CLCNKA: variants seen among roughly 807,000 people sequenced by gnomAD.
The protein encoded by CLCNKA is chloride voltage-gated channel Ka.
In CLCNKA, 66 loss-of-function variants were observed where a neutral mutation model predicts 83.3. That is an observed-to-expected ratio of 0.79 (90% CI 0.65 to 0.97). The LOEUF is 0.97. Ranked by LOEUF, CLCNKA falls within the 50% of genes least tolerant of loss-of-function variation. The pLI is 0.00. For missense variants in CLCNKA, 806 were observed against 888.7 expected (o/e 0.91, Z 1.18); for synonymous variants, 357 against 370.4 (o/e 0.96, Z 0.42).
intron 11 of CLCNKA, 91 bp from the exon 12 acceptor site, chr1:16,029,035 G>T (rs1291525263): frequency 6.4e-7 from 1 of 1,557,788 alleles, no homozygotes; most frequent in Non-Finnish European, 8.7e-7. Flanking sequence ...GGCAGGGGAG[G>T]ATTCCAGGCG....
chr1:16,030,573 A>G lies in CLCNKA; in HGVS notation c.1521A>G (p.Ala507=). 1 of 1,613,084 alleles carries G rather than the reference A, an allele frequency of 6.2e-7. No individual in the cohort carries two copies. The highest frequency in any genetic ancestry group is 2.2e-5 in the East Asian group (1 of 44,880). ...TGCCCGTGCTGATGGCGGTGCTGGCAGCCAACGCCATTGCACAGAGCTGCC... is the reference window on the plus strand; with the variant it reads ...TGCCCGTGCTGATGGCGGTGCTGGCGGCCAACGCCATTGCACAGAGCTGCC... The part of the protein sequence containing the change: ...HALPVLMAVL[A]ANAIAQSCQP... The change falls in exon 15 of 20, where the codon GCA becomes GCG. Residue 507 remains alanine (A), a synonymous_variant. Coordinates refer to ENST00000331433, the MANE Select transcript of CLCNKA (RefSeq NM_004070.4).
At chr1:16,032,130 T>C (rs889083513) in intron 16 of CLCNKA, 73 bp from the exon 17 acceptor site, 57 of 1,431,452 alleles carry the variant, frequency 4.0e-5, no homozygotes, top group Non-Finnish European at 5.5e-5. Context: ...ACCACCAAGG[T>C]CTTCCGGAAG....
At chr1:16,032,357 C>T in intron 17 of CLCNKA, 66 bp downstream of exon 17, 1 of 1,541,206 alleles carries the variant, frequency 6.5e-7, no homozygotes, top group Admixed American at 1.7e-5. Context: ...AGGGGAGGGA[C>T]CCGCTGATCT....
Position 16,029,257 on chromosome 1 carries a change from G to T in CLCNKA, c.1185G>T (p.Arg395=), listed in dbSNP as rs776049219. Residue 395 remains arginine, a synonymous_variant, in exon 12 of 20, where the codon CGG becomes CGT. Coordinates refer to ENST00000331433, the MANE Select transcript of CLCNKA (RefSeq NM_004070.4). ...QHLWWEWYHP[R]FTIFGTLAFF... ...TTTGGTGGGAATGGTACCACCCGCG[G>T]TTCACCATCTTTGGGACCCTTGCCT... The T allele has an allele frequency of 1.9e-6, 3 of 1,613,906 alleles. No individual in the cohort carries two copies. Among genetic ancestry groups the T allele is most frequent in the Non-Finnish European group, 1.7e-6 (2 of 1,179,990 alleles).
chr1:16,029,015 G>C, intron 11 of CLCNKA, 111 bp from the exon 12 acceptor site: 1 of 1,539,790 alleles, frequency 6.5e-7, no homozygotes, highest in Non-Finnish European at 8.8e-7. Context: ...AAGGCCCCCC[G>C]CTGGGAAGTG....
intron 4 of CLCNKA, among the ~76,000 whole-genome samples, chr1:16,025,622 G>C (rs2022316513): frequency 6.9e-6 from 1 of 145,124 alleles, no homozygotes; most frequent in Admixed American, 7.2e-5. Context: ...AGGAAGTCGG[G>C]GTTATAATGA....
chr1:16,027,113 C>T (rs1258430653), intron 7 of CLCNKA, among the ~76,000 whole-genome samples, 197 bp from the exon 8 acceptor site: 1 of 152,222 alleles, frequency 6.6e-6, no homozygotes, highest in Non-Finnish European at 1.5e-5. Flanking sequence ...CACCTGCATT[C>T]CAGGCTGGAT....
chr1:16,032,149 T>C, intron 16 of CLCNKA, 54 bp from the exon 17 acceptor site: 1 of 1,537,386 alleles, frequency 6.5e-7, no homozygotes, highest in South Asian at 1.1e-5. Context: ...AGCTTGGCCC[T>C]CAGGCCTGTT....
rs1310702226 is a variant in CLCNKA, at chr1:16,028,013, C to T, written c.867-5C>T. On this transcript the variant is annotated splice_polypyrimidine_tract_variant and splice_region_variant and intron_variant, in intron 9 of 19. Coordinates refer to ENST00000331433, the MANE Select transcript of CLCNKA (RefSeq NM_004070.4). ...GCTCTGGTCTTACCTCCCTTCACCC[C>T]GCAGTGGCATCTGCGGCGTCCTGAG... 1.2e-5 allele frequency: 19 copies of T among 1,613,790 alleles called. No homozygotes were observed. The highest frequency in any genetic ancestry group is 1.2e-4 in the Admixed American group (7 of 59,898).
At chr1:16,031,480 A>G (rs1479855712) in intron 15 of CLCNKA, among the ~76,000 whole-genome samples, 1 of 151,982 alleles carries the variant, frequency 6.6e-6, no homozygotes, top group Non-Finnish European at 1.5e-5. Flanking sequence ...TCTGGGGGAC[A>G]TGGGGGACCA....
Position 16,029,009 on chromosome 1 carries a change from C to A in CLCNKA, c.1054-117C>A. On this transcript the variant is annotated intron_variant, in intron 11 of 19. Coordinates refer to ENST00000331433, the MANE Select transcript of CLCNKA (RefSeq NM_004070.4). The stretch of plus-strand genomic sequence containing the variant: ...TGGGAGGTCAGAGCCCTGCCCAAGG[C>A]CCCCCGCTGGGAAGTGGCAGGGGAG... 1.3e-6 allele frequency: 2 copies of A among 1,527,168 alleles called. 1 individual carries two copies. The highest frequency in any genetic ancestry group is 2.3e-5 in the South Asian group (2 of 86,924). The allele number at this position is 1,527,168 out of a possible 1,614,324, so 94.6% of individuals were successfully genotyped here.
At chr1:16,033,345 C>A in intron 19 of CLCNKA, 89 bp downstream of exon 19, 1 of 1,388,384 alleles carries the variant, frequency 7.2e-7, no homozygotes. Flanking sequence ...CCAGCATGCT[C>A]CCATCCAAAC....
At position 16,029,347 on chromosome 1, in the gene CLCNKA, G is replaced by A. The variant is rs375224784; in HGVS notation, c.1227+48G>A. 5 of 1,612,754 alleles carry A rather than the reference G, an allele frequency of 3.1e-6. No homozygotes were observed. The African/African-American group carries it at 6.7e-5, about 22-fold the overall frequency. ...GTGCACAGAGCCAGGACCAGCTCTG[G>A]TGGGGAGGGGCGGGGGTGCCTCCCT... is the stretch of plus-strand genomic sequence containing the variant. On this transcript the variant is annotated intron_variant, in intron 12 of 19. Transcript: ENST00000331433.
intron 15 of CLCNKA, among the ~76,000 whole-genome samples, chr1:16,031,180 G>C (rs879430869): frequency 6.6e-6 from 1 of 152,210 alleles, no homozygotes; most frequent in Non-Finnish European, 1.5e-5. Flanking sequence ...AGTCCGAATC[G>C]GAGGCCCCGC....
At chr1:16,024,214 C>A (rs1322847552) in intron 3 of CLCNKA, among the ~76,000 whole-genome samples, 1 of 152,262 alleles carries the variant, frequency 6.6e-6, no homozygotes, top group African/African-American at 2.4e-5. Flanking sequence ...CTCCTTCCCT[C>A]CTCCGTGCCT....
chr1:16,032,437 T>TAACTCTTCCCCACC lies in CLCNKA; in HGVS notation c.1846-6_1846-5insAACTCTTCCCCACC, dbSNP rs774577139. ...CCCTGCACCCATAACTCTTCCCCAC[T>TAACTCTTCCCCACC]CCCAGCAGTGTCTCCAGGACATCTT... On this transcript the variant is annotated splice_polypyrimidine_tract_variant and splice_region_variant and intron_variant, in intron 17 of 19. Transcript: ENST00000331433. The TAACTCTTCCCCACC allele has an allele frequency of 6.1e-5, 98 of 1,610,900 alleles. No individual in the cohort carries two copies. Among genetic ancestry groups the TAACTCTTCCCCACC allele is most frequent in the Non-Finnish European group, 7.7e-5 (91 of 1,178,010 alleles).
rs2022662616 is a variant in CLCNKA, at chr1:16,032,435, A to T, written c.1846-8A>T. The T allele has an allele frequency of 3.1e-6, 5 of 1,610,392 alleles. No individual in the cohort carries two copies. In the East Asian group the frequency reaches 1.1e-4, roughly 36 times the overall value. On this transcript the variant is annotated splice_polypyrimidine_tract_variant and splice_region_variant and intron_variant, in intron 17 of 19. Transcript: ENST00000331433. ...GGCCCTGCACCCATAACTCTTCCCC[A>T]CTCCCAGCAGTGTCTCCAGGACATC...
At chr1:16,031,607 G>T (rs2022627100) in intron 15 of CLCNKA, 103 bp from the exon 16 acceptor site, 1 of 1,542,528 alleles carries the variant, frequency 6.5e-7, no homozygotes, top group South Asian at 1.2e-5. Flanking sequence ...ACACTCCAGA[G>T]CCGTGGGTCC....
Position 16,026,209 on chromosome 1 carries a change from A to T in CLCNKA, c.460A>T (p.Thr154Ser). 6.2e-7 allele frequency: 1 copy of T among 1,613,810 alleles called. No individual in the cohort carries two copies. Among genetic ancestry groups the T allele is most frequent in the Non-Finnish European group, 8.5e-7 (1 of 1,180,004 alleles). Reference protein sequence around the residue: ...FGAKVVGLSCTLATGSTLFLG... With the variant: ...FGAKVVGLSCSLATGSTLFLG... ...GGCCAAGGTGGTGGGCCTCTCCTGC[A>T]CCCTGGCCACCGGCAGCACCCTGTT... is the stretch of plus-strand genomic sequence containing the variant. The change falls in exon 5 of 20, where the codon ACC (threonine) becomes TCC (serine). Residue 154 changes from threonine to serine, a missense_variant. Physicochemically the swap from Thr to Ser is moderately conservative, Grantham distance 58. Coordinates refer to ENST00000331433, the MANE Select transcript of CLCNKA (RefSeq NM_004070.4).
Sources: allele counts gnomAD v4.1 joint callset (sites outside exome capture counted in the v4.1 genomes callset), GRCh38; gene constraint gnomAD v4.1.1; transcripts MANE v1.5; gene names NCBI Gene and HGNC (gene_info 2026-07-23, HGNC 2026-07-21).